MARCHF7: variants seen among roughly 807,000 people sequenced by gnomAD.
MARCHF7 encodes the protein E3 ubiquitin-protein ligase MARCHF7.
A neutral mutation model predicts 76.5 loss-of-function variants in MARCHF7; 20 were observed. The observed-to-expected ratio is 0.26, with a 90% CI of 0.18 to 0.38. The LOEUF (loss-of-function observed/expected upper bound fraction) is 0.38, where lower values mean the gene tolerates loss of function less well. MARCHF7 is among the 10% of genes least tolerant of loss of function. MARCHF7 has a pLI of 1.00. For synonymous variants in MARCHF7, 295 were observed against 293.0 expected, an observed-to-expected ratio of 1.01 and a Z score of -0.07; for missense variants, 797 against 812.9, an observed-to-expected ratio of 0.98 and a Z score of 0.24.
chr2:159,767,489 A>G lies in MARCHF7; in HGVS notation c.*147A>G, dbSNP rs1707939335. On this transcript the variant is annotated 3_prime_UTR_variant, in exon 12 of 12. Transcript: ENST00000409175. Reference sequence around the variant, plus strand: ...TATACATACACATGTATGCCTGTATATATATATTCATTCTCCAGTGTTGCT... The same window carrying G: ...TATACATACACATGTATGCCTGTATGTATATATTCATTCTCCAGTGTTGCT... 6.0e-6 allele frequency: 3 copies of G among 496,098 alleles called. No homozygotes were observed. Among genetic ancestry groups the G allele is most frequent in the Non-Finnish European group, 1.1e-5 (3 of 284,134 alleles). The allele number at this position is 496,098 out of a possible 1,614,324, so 30.7% of individuals were successfully genotyped here.
chr2:159,734,323 C>CTTT (rs34742849), intron 4 of MARCHF7, among the ~76,000 whole-genome samples: 9 of 147,438 alleles, frequency 6.1e-5, no homozygotes, highest in African/African-American at 2.2e-4. Flanking sequence ...TTATTGATAC[C>CTTT]TTTTTTTTTT....
chr2:159,767,034 T>C (rs1707866205), intron 11 of MARCHF7, among the ~76,000 whole-genome samples: 1 of 152,184 alleles, frequency 6.6e-6, no homozygotes, highest in Non-Finnish European at 1.5e-5. Context: ...ACCACATTTT[T>C]AAGCACTTTC....
At chr2:159,749,420 T>C (rs1277918511) in intron 7 of MARCHF7, among the ~76,000 whole-genome samples, 1 of 152,086 alleles carries the variant, frequency 6.6e-6, no homozygotes, top group Non-Finnish European at 1.5e-5. Flanking sequence ...CAGTCTTGGC[T>C]CACTGCAACC....
chr2:159,722,407 T>G (rs1701735805), intron 3 of MARCHF7, among the ~76,000 whole-genome samples: 1 of 152,224 alleles, frequency 6.6e-6, no homozygotes, highest in Non-Finnish European at 1.5e-5. Context: ...GTGCAGAGAT[T>G]ACAGCTGTAA....
intron 4 of MARCHF7, chr2:159,733,034 AATT>A (rs1035812374): frequency 9.7e-6 from 6 of 618,100 alleles, no homozygotes; most frequent in Non-Finnish European, 1.2e-5. Flanking sequence ...TACTAATTAT[AATT>A]ATTTATAATT....
chr2:159,723,558 T>C (rs958996865), intron 3 of MARCHF7, among the ~76,000 whole-genome samples: 1 of 152,212 alleles, frequency 6.6e-6, no homozygotes, highest in Non-Finnish European at 1.5e-5. Flanking sequence ...CTATTTCTTT[T>C]AGGACTTACA....
At chr2:159,750,313 T>G (rs2125620999) in intron 7 of MARCHF7, among the ~76,000 whole-genome samples, 1 of 152,266 alleles carries the variant, frequency 6.6e-6, no homozygotes, top group African/African-American at 2.4e-5. Flanking sequence ...GATCACAAGG[T>G]CAGGAGATTG....
intron 4 of MARCHF7, among the ~76,000 whole-genome samples, chr2:159,731,122 G>A (rs1375111442): frequency 6.6e-6 from 1 of 152,074 alleles, no homozygotes; most frequent in Admixed American, 6.6e-5. Flanking sequence ...TCACACTCCT[G>A]GGCTCAACCA....
At chr2:159,746,646 C>T (rs1358722622) in intron 6 of MARCHF7, among the ~76,000 whole-genome samples, 2 of 152,222 alleles carry the variant, frequency 1.3e-5, no homozygotes, top group Non-Finnish European at 2.9e-5. Flanking sequence ...GGTGATCCAA[C>T]CGCCTCAGCC....
rs1359687051 is a variant in MARCHF7, at chr2:159,718,095, A to G, written c.-15+2329A>G. ...ATGCTGTGTGCCAGCAAACCTCACAATATACCTGTGAAGTTGATACTATCA... is the reference window on the plus strand; with the variant it reads ...ATGCTGTGTGCCAGCAAACCTCACAGTATACCTGTGAAGTTGATACTATCA... On this transcript the variant is annotated intron_variant, in intron 3 of 11. Transcript: ENST00000409175. Among the ~76,000 whole-genome samples, 13 of 152,200 alleles carry G rather than the reference A, an allele frequency of 8.5e-5. 1 individual carries two copies. Among genetic ancestry groups the G allele is most frequent in the Non-Finnish European group, 2.9e-5 (2 of 68,028 alleles).
At chr2:159,723,175 C>A (rs1397735369) in intron 3 of MARCHF7, among the ~76,000 whole-genome samples, 4 of 152,082 alleles carry the variant, frequency 2.6e-5, no homozygotes, top group African/African-American at 7.2e-5. Context: ...CATTAATATT[C>A]TTTTCTCTAA....
At chr2:159,746,447 G>C (rs967338009) in intron 6 of MARCHF7, among the ~76,000 whole-genome samples, 5 of 152,328 alleles carry the variant, frequency 3.3e-5, no homozygotes, top group Non-Finnish European at 7.4e-5. Flanking sequence ...TGTTACCCAG[G>C]CTGGGGTGCA....
At chr2:159,739,883 G>A (rs10194483) in intron 4 of MARCHF7, among the ~76,000 whole-genome samples, 52,341 of 151,960 alleles carry the variant, frequency 0.34, 9,215 homozygotes, top group South Asian at 0.44. Context: ...ATGTTGTGTC[G>A]TGAGTCATGA....
At chr2:159,719,927 C>T (rs1254404309) in intron 3 of MARCHF7, among the ~76,000 whole-genome samples, 3 of 152,068 alleles carry the variant, frequency 2.0e-5, no homozygotes, top group Admixed American at 1.3e-4. Context: ...ATGGATATGA[C>T]CTTTATTATT....
At chr2:159,764,570 C>G (rs1014001550) in intron 10 of MARCHF7, 56 bp from the exon 11 acceptor site, 19 of 1,379,658 alleles carry the variant, frequency 1.4e-5, no homozygotes, top group African/African-American at 4.4e-5. Flanking sequence ...CTGATTCTCT[C>G]TTTAGATCCA....
At chr2:159,733,983 C>T (rs1703138368) in intron 4 of MARCHF7, 3 of 1,315,344 alleles carry the variant, frequency 2.3e-6, no homozygotes, top group Non-Finnish European at 9.8e-7. Flanking sequence ...CTGCGCTTCA[C>T]CTGCTACTAA....
rs1371955341 is a variant in MARCHF7 at position 159,770,115 on chromosome 2, T to G, written c.*2773T>G. 4.9e-5 allele frequency: 6 copies of G among 121,704 alleles called. 1 individual carries two copies. Among genetic ancestry groups the G allele is most frequent in the African/African-American group, 2.4e-4 (6 of 24,750 alleles). The allele number at this position is 121,704 out of a possible 1,614,324, so 7.5% of individuals were successfully genotyped here. ...TCCTTTAGAACTCTTTTAGTTCACA[T>G]AATACGCCATATTTTTTTTACTGTG... On this transcript the variant is annotated 3_prime_UTR_variant, in exon 12 of 12. Coordinates refer to ENST00000409175, the MANE Select transcript of MARCHF7 (RefSeq NM_001282805.2).
Position 159,747,788 on chromosome 2 carries a change from C to T in MARCHF7, c.515-17C>T, listed in dbSNP as rs1705086776. 6.5e-7 allele frequency: 1 copy of T among 1,541,776 alleles called. No homozygotes were observed. Among genetic ancestry groups the T allele is most frequent in the South Asian group, 1.3e-5 (1 of 78,776 alleles). ...CAAATTATTTCATGTAATTGGTTATCTTCCTTTCAAAAATAGATGTTCAAG... is the reference window on the plus strand; with the variant it reads ...CAAATTATTTCATGTAATTGGTTATTTTCCTTTCAAAAATAGATGTTCAAG... On this transcript the variant is annotated splice_polypyrimidine_tract_variant and intron_variant, in intron 6 of 11. Coordinates refer to ENST00000409175, the MANE Select transcript of MARCHF7 (RefSeq NM_001282805.2).
chr2:159,764,168 AC>A (rs1336412751), intron 10 of MARCHF7, among the ~76,000 whole-genome samples: 1 of 151,276 alleles, frequency 6.6e-6, no homozygotes, highest in Non-Finnish European at 1.5e-5. Flanking sequence ...AGAACTGTAT[AC>A]TTTTATCAAA....
Sources: allele counts gnomAD v4.1 joint callset (sites outside exome capture counted in the v4.1 genomes callset), GRCh38; gene constraint gnomAD v4.1.1; transcripts MANE v1.5; gene names NCBI Gene and HGNC (gene_info 2026-07-23, HGNC 2026-07-21).